Variants in GMDS observed in about 807,000 individuals in gnomAD.
GMDS encodes the protein GDP-mannose 4,6-dehydratase.
GMDS carries 20 observed loss-of-function variants against 49.9 expected under a neutral mutation model. The observed-to-expected ratio is 0.40, with a 90% CI of 0.28 to 0.58. The LOEUF is 0.58. Among genes scored for constraint, GMDS ranks in the 20% least tolerant of loss-of-function variants. The pLI is 0.42. For missense variants in GMDS, 362 were observed against 481.4 expected, an observed-to-expected ratio of 0.75 and a Z score of 2.32; for synonymous variants, 177 against 178.6, an observed-to-expected ratio of 0.99 and a Z score of 0.07.
At chr6:2,050,148 AAG>A (rs1288543920) in intron 4 of GMDS, among the ~76,000 whole-genome samples, 3 of 152,190 alleles carry the variant, frequency 2.0e-5, no homozygotes, top group African/African-American at 7.2e-5. Context: ...TAAAGAAGAA[AAG>A]AGAGAAGAAT....
intron 7 of GMDS, among the ~76,000 whole-genome samples, chr6:1,748,619 A>T (rs1767605632): frequency 6.6e-6 from 1 of 152,162 alleles, no homozygotes; most frequent in Admixed American, 6.5e-5. Context: ...CTAAAGCCAG[A>T]TAGTAAGTAT....
intron 7 of GMDS, among the ~76,000 whole-genome samples, chr6:1,883,131 G>C (rs116675249): frequency 6.6e-6 from 1 of 152,084 alleles, no homozygotes; most frequent in Non-Finnish European, 1.5e-5. Context: ...GGCCGGGTGC[G>C]GTGGCAATCC....
At chr6:1,830,682 T>A (rs535840212) in intron 7 of GMDS, among the ~76,000 whole-genome samples, 1 of 152,190 alleles carries the variant, frequency 6.6e-6, no homozygotes, top group African/African-American at 2.4e-5. Context: ...TGTAAGCGAA[T>A]GATAAACTAT....
At chr6:1,912,370 A>T (rs1016749089) in intron 7 of GMDS, among the ~76,000 whole-genome samples, 1 of 152,212 alleles carries the variant, frequency 6.6e-6, no homozygotes, top group Non-Finnish European at 1.5e-5. Context: ...TGTCTAAAAA[A>T]AATTTTTTAA....
intron 6 of GMDS, among the ~76,000 whole-genome samples, chr6:1,945,097 C>T (rs986724581): frequency 2.0e-5 from 3 of 152,108 alleles, no homozygotes; most frequent in Admixed American, 6.5e-5. Context: ...TAAAGGATGA[C>T]TTCTAAGAAT....
intron 7 of GMDS, among the ~76,000 whole-genome samples, chr6:1,774,112 A>G (rs1768695463): frequency 6.6e-6 from 1 of 152,254 alleles, no homozygotes; most frequent in African/African-American, 2.4e-5. Flanking sequence ...AGTGCTGACT[A>G]TATCAGAGGC....
At chr6:1,652,192 T>C (rs1763672516) in intron 9 of GMDS, among the ~76,000 whole-genome samples, 1 of 148,538 alleles carries the variant, frequency 6.7e-6, no homozygotes, top group East Asian at 2.0e-4. Flanking sequence ...GCCAACATGG[T>C]GAAACCCTGT....
intron 4 of GMDS, among the ~76,000 whole-genome samples, chr6:1,979,288 A>C (rs9328078): frequency 0.39 from 59,855 of 152,072 alleles, 11,885 homozygotes; most frequent in Middle Eastern, 0.45. Context: ...AAAGCGAAGA[A>C]GCTAAAACAA....
chr6:2,199,444 T>C (rs1273680700), intron 1 of GMDS, among the ~76,000 whole-genome samples: 1 of 152,170 alleles, frequency 6.6e-6, no homozygotes, highest in African/African-American at 2.4e-5. Flanking sequence ...CCTGATACAA[T>C]GGCCTACACA....
chr6:1,989,034 G>A (rs1457330966), intron 4 of GMDS, among the ~76,000 whole-genome samples: 2 of 152,200 alleles, frequency 1.3e-5, no homozygotes, highest in Non-Finnish European at 1.5e-5. Context: ...ATGAGCCCAT[G>A]CTCATTTTTT....
At chr6:1,772,025 G>T (rs1247640520) in intron 7 of GMDS, among the ~76,000 whole-genome samples, 2 of 152,148 alleles carry the variant, frequency 1.3e-5, no homozygotes, top group African/African-American at 4.8e-5. Flanking sequence ...CCCTGTGAGC[G>T]GAAACCTGTA....
At chr6:1,990,755 TG>T (rs1185529795) in intron 4 of GMDS, among the ~76,000 whole-genome samples, 79 of 136,498 alleles carry the variant, frequency 5.8e-4, no homozygotes, top group African/African-American at 1.7e-3. Context: ...TTTTTTTTTT[TG>T]GGGGGGTAGA....
At chr6:1,775,891 C>T (rs949440453) in intron 7 of GMDS, among the ~76,000 whole-genome samples, 1 of 152,036 alleles carries the variant, frequency 6.6e-6, no homozygotes, top group South Asian at 2.1e-4. Flanking sequence ...AACATTTATT[C>T]TTTTCTGTCT....
At position 1,836,456 on chromosome 6, in the gene GMDS, C is replaced by G. The variant is rs2113737113; in HGVS notation, c.771+93647G>C. Among the ~76,000 whole-genome samples the G allele has an allele frequency of 6.6e-6, 1 of 152,302 alleles. No homozygotes were observed. The highest frequency in any genetic ancestry group is 2.1e-4 in the South Asian group (1 of 4,822). On this transcript the variant is annotated intron_variant, in intron 7 of 10. Transcript: ENST00000380815. The surrounding 1 kb of genome is among the most constrained non-coding windows in gnomAD (Gnocchi z 4.2). ...TTCTAATTTGTTTATGGTTGGATGT[C>G]TATCATAGTATTTTCTATTATGTTG...
Position 2,015,471 on chromosome 6 carries a change from C to A in GMDS, c.346-54505G>T, listed in dbSNP as rs575477623. Among the ~76,000 whole-genome samples, 13 of 152,184 alleles carry A rather than the reference C, an allele frequency of 8.5e-5. No homozygotes were observed. The East Asian group carries it at 2.5e-3, about 29-fold the overall frequency. ...ATATTTTTAACTAATAAAAGTAAAA[C>A]TACAATTTATCAAAATGTGTGGGGT... On this transcript the variant is annotated intron_variant, in intron 4 of 10. Coordinates refer to ENST00000380815, the MANE Select transcript of GMDS (RefSeq NM_001500.4).
intron 7 of GMDS, among the ~76,000 whole-genome samples, chr6:1,880,612 T>C (rs1401665923): frequency 6.6e-6 from 1 of 152,188 alleles, no homozygotes; most frequent in African/African-American, 2.4e-5. Flanking sequence ...AACATCCAAA[T>C]AGCTGCTAGA....
intron 6 of GMDS, among the ~76,000 whole-genome samples, chr6:1,953,062 GAA>G (rs1292783586): frequency 6.6e-6 from 1 of 152,116 alleles, no homozygotes; most frequent in African/African-American, 2.4e-5. Context: ...GTCAACATAA[GAA>G]AAATATCCTC....
At chr6:1,812,217 G>A (rs1178647232) in intron 7 of GMDS, among the ~76,000 whole-genome samples, 1 of 152,132 alleles carries the variant, frequency 6.6e-6, no homozygotes, top group Non-Finnish European at 1.5e-5. Context: ...GCCAGGGAGA[G>A]GCTGTGTAGT....
At chr6:2,128,822 C>G (rs1242082478) in intron 1 of GMDS, among the ~76,000 whole-genome samples, 1 of 152,216 alleles carries the variant, frequency 6.6e-6, no homozygotes, top group Non-Finnish European at 1.5e-5. Flanking sequence ...TTTTAGAACA[C>G]TCCAGAGCTC....
Sources: gnomAD v4.1 joint callset for allele counts (sites outside exome capture counted in the v4.1 genomes callset) on GRCh38, gnomAD v4.1.1 for gene constraint, Gnocchi (gnomAD v3.1) non-coding constraint, MANE v1.5 for transcripts, NCBI Gene and HGNC (gene_info 2026-07-23, HGNC 2026-07-21) for gene names.